The following AVIL variants were observed in gnomAD, a reference collection of about 807,000 sequenced individuals.
The protein encoded by AVIL is advillin.
Under a neutral mutation model 109.9 loss-of-function variants are expected in AVIL, and 78 were observed. The ratio of observed to expected loss-of-function variants is 0.71; its 90% confidence interval spans 0.59 to 0.86. The LOEUF (loss-of-function observed/expected upper bound fraction) is 0.86, where lower values mean the gene tolerates loss of function less well. Ranked by LOEUF, AVIL falls within the 40% of genes least tolerant of loss-of-function variation. The probability of loss-of-function intolerance (pLI) is 0.00; values close to 1 mark genes in which losing one functional copy is unlikely to be tolerated. For missense variants in AVIL, 892 were observed against 1,016.5 expected (o/e 0.88, Z 1.67); for synonymous variants, 367 against 379.1 (o/e 0.97, Z 0.37).
Position 57,806,489 on chromosome 12 carries a change from G to C in AVIL, c.1542C>G (p.Leu514=). 1 of 1,614,208 alleles carries C rather than the reference G, an allele frequency of 6.2e-7. No individual in the cohort carries two copies. The highest frequency in any genetic ancestry group is 8.5e-7 in the Non-Finnish European group (1 of 1,180,036). Reference sequence around the variant, plus strand: ...ATTTGTCATTTCCATGAATTTGGAAGAGTCTTACTGGAGGGTCAGGCTCGG... The same window carrying C: ...ATTTGTCATTTCCATGAATTTGGAACAGTCTTACTGGAGGGTCAGGCTCGG... ...GNAEPDPPVR[L]FQIHGNDKSN... is the part of the protein sequence containing the mutation. Residue 514 remains leucine, a synonymous_variant, in exon 14 of 20, where the codon CTC becomes CTG. Transcript: ENST00000549994.
chr12:57,811,949 TCTAA>T lies in AVIL; in HGVS notation c.339-826_339-823del, dbSNP rs148280163. 7.4e-3 allele frequency among the ~76,000 whole-genome samples: 1,121 copies of T among 152,276 alleles called. 15 individuals are homozygous for T. Among genetic ancestry groups the T allele is most frequent in the African/African-American group, 0.026 (1,068 of 41,540 alleles). ...ATTCCTCTCCCCAATACGCTTCCAT[TCTAA>T]CTGTTGACCTTTTTATTTTCATTCT... On this transcript the variant is annotated intron_variant, in intron 4 of 19. Coordinates refer to ENST00000549994, the MANE Select transcript of AVIL (RefSeq NM_006576.4).
intron 1 of AVIL, among the ~76,000 whole-genome samples, chr12:57,817,405 A>C (rs1263794143): frequency 6.6e-6 from 1 of 151,128 alleles, no homozygotes; most frequent in Non-Finnish European, 1.5e-5. Flanking sequence ...AGCTCAAAGC[A>C]GACTCGCTTT....
rs1955961089 is a variant in AVIL at position 57,807,216 on chromosome 12, C to G, written c.1491+115G>C. 5 of 1,479,790 alleles carry G rather than the reference C, an allele frequency of 3.4e-6. No individual in the cohort carries two copies. In the East Asian group the frequency reaches 1.1e-4, roughly 34 times the overall value. The allele number at this position is 1,479,790 out of a possible 1,614,324, so 91.7% of individuals were successfully genotyped here. ...GGGATTAACCCCCTTCTTCCTCTGT[C>G]TAATCCAAGCCTGACTCCCTACCCC... is the stretch of plus-strand genomic sequence containing the variant. On this transcript the variant is annotated intron_variant, in intron 13 of 19. Coordinates refer to ENST00000549994, the MANE Select transcript of AVIL (RefSeq NM_006576.4).
chr12:57,801,252 T>G (rs1364626015), intron 17 of AVIL, 40 bp from the exon 18 acceptor site: 2 of 1,556,502 alleles, frequency 1.3e-6, no homozygotes, highest in Non-Finnish European at 1.8e-6. Flanking sequence ...GAGGTCTTTC[T>G]TATAGGGGAG....
At chr12:57,808,316 A>G (rs1205876026) in intron 10 of AVIL, 22 bp from the exon 11 acceptor site, 34 of 1,614,076 alleles carry the variant, frequency 2.1e-5, no homozygotes, top group Non-Finnish European at 2.7e-5. Context: ...GGGTTGGGAA[A>G]AGCCGAGTGA....
chr12:57,797,663 C>A lies in AVIL; in HGVS notation c.*219G>T. 1.3e-6 allele frequency: 1 copy of A among 746,800 alleles called. No homozygotes were observed. Among genetic ancestry groups the A allele is most frequent in the Non-Finnish European group, 1.7e-6 (1 of 581,606 alleles). The allele number at this position is 746,800 out of a possible 1,614,324, so 46.3% of individuals were successfully genotyped here. A position where few individuals can be genotyped will look rare whatever the true frequency, so the allele number is the denominator to read the frequency against. ...TTCTGCTGAGGCTTTAGCTAGAGGG[C>A]CACAAAACCCAAAAACTATATGGTT... On this transcript the variant is annotated 3_prime_UTR_variant, in exon 20 of 20. Transcript: ENST00000549994.
chr12:57,798,009 C>G lies in AVIL; in HGVS notation c.2347-14G>C. 1 of 1,555,940 alleles carries G rather than the reference C, an allele frequency of 6.4e-7. No individual in the cohort carries two copies. The highest frequency in any genetic ancestry group is 8.7e-7 in the Non-Finnish European group (1 of 1,149,468). On this transcript the variant is annotated splice_polypyrimidine_tract_variant and intron_variant, in intron 19 of 19. Coordinates refer to ENST00000549994, the MANE Select transcript of AVIL (RefSeq NM_006576.4). ...AGAGAGGTAATTCTAAGAGAGAAAA[C>G]AAAGTTTCTAGTTAGAAGGAAGACA...
At position 57,797,907 on chromosome 12, in the gene AVIL, A is replaced by C. The variant is rs752736115; in HGVS notation, c.2435T>G (p.Met812Arg). Residue 812 changes from methionine to arginine, a missense_variant, in exon 20 of 20, where the codon ATG becomes AGG. Met to Arg is a moderately conservative substitution (Grantham distance 91). Transcript: ENST00000549994. ...AALPGWKQLQ[M>R]KKEKGLF is the part of the protein sequence containing the mutation. ...TTAGAAAAGCCCCTTTTCTTTCTTC[A>C]TTTGGAGCTGTTTCCAGCCAGGCAG... 3 of 1,612,242 alleles carry C rather than the reference A, an allele frequency of 1.9e-6. No homozygotes were observed. The highest frequency in any genetic ancestry group is 2.5e-6 in the Non-Finnish European group (3 of 1,179,046).
chr12:57,806,628 AG>A, intron 13 of AVIL, 89 bp from the exon 14 acceptor site: 1 of 1,464,166 alleles, frequency 6.8e-7, no homozygotes, highest in African/African-American at 1.4e-5. Context: ...TGAATGTTAT[AG>A]TATTATGTTT....
intron 11 of AVIL, 193 bp downstream of exon 11, chr12:57,808,001 A>G (rs1595168251): frequency 5.1e-6 from 4 of 790,862 alleles, no homozygotes; most frequent in Non-Finnish European, 8.7e-6. Context: ...AGATATTGAT[A>G]GCACATTTGA....
In AVIL at chr12:57,807,463, C is replaced by T; in HGVS notation, c.1359G>A (p.Leu453=). The T allele has an allele frequency of 2.5e-6, 4 of 1,614,260 alleles. No homozygotes were observed. The highest frequency in any genetic ancestry group is 3.4e-6 in the Non-Finnish European group (4 of 1,180,052). The part of the protein sequence containing the change: ...WQGRHASQDE[L]AASAYQAVEV... ...CCACTGCCTGGTATGCTGAGGCTGC[C>T]AGCTCATCCTGTGAGGCGTGGCGGC... Residue 453 remains leucine (L), a synonymous_variant, in exon 13 of 20, where the codon CTG becomes CTA. Transcript: ENST00000549994.
intron 15 of AVIL, 36 bp from the exon 16 acceptor site, chr12:57,803,427 T>G: frequency 6.2e-7 from 1 of 1,613,690 alleles, no homozygotes. Context: ...TCAAGCTGCT[T>G]AGAAATGTTT....
At chr12:57,806,334 T>G (rs748769512) in intron 14 of AVIL, 26 bp downstream of exon 14, 1 of 1,613,290 alleles carries the variant, frequency 6.2e-7, no homozygotes. Context: ...GAGGGGCTGG[T>G]CTGACCCGGG....
chr12:57,800,040 C>T lies in AVIL; in HGVS notation c.2221-120G>A, dbSNP rs546099318. ...ATGCCACTTCACCCTCTGTAATCATCTTTGATAACAATGCTCCCCAAACCT... is the reference window on the plus strand; with the variant it reads ...ATGCCACTTCACCCTCTGTAATCATTTTTGATAACAATGCTCCCCAAACCT... On this transcript the variant is annotated intron_variant, in intron 18 of 19. Transcript: ENST00000549994. 3 of 1,298,128 alleles carry T rather than the reference C, an allele frequency of 2.3e-6. No individual in the cohort carries two copies. The South Asian group carries it at 4.3e-5, about 19-fold the overall frequency. 80.4% of individuals were successfully genotyped at this position (1,298,128 alleles called of 1,614,324 possible).
At chr12:57,816,633 C>T (rs1225471508) in intron 1 of AVIL, among the ~76,000 whole-genome samples, 1 of 150,258 alleles carries the variant, frequency 6.7e-6, no homozygotes, top group African/African-American at 2.4e-5. Context: ...CATTCCAATT[C>T]TTCCCAAGTT....
At chr12:57,809,025 CAG>C (rs985757648) in intron 9 of AVIL, 4 of 164,438 alleles carry the variant, frequency 2.4e-5, no homozygotes, top group Non-Finnish European at 3.9e-5. Context: ...TTTTTTTAGA[CAG>C]AGTCTCGCTC....
At chr12:57,802,591 A>G in intron 16 of AVIL, 1 of 708,638 alleles carries the variant, frequency 1.4e-6, no homozygotes, top group South Asian at 1.5e-5. Context: ...TCTGAACTTC[A>G]GCTTCCTGAA....
In AVIL at chr12:57,808,217, C is replaced by T. The variant is rs374961870; in HGVS notation, c.1171G>A (p.Asp391Asn). The T allele has an allele frequency of 1.9e-5, 31 of 1,614,064 alleles. No homozygotes were observed. Among genetic ancestry groups the T allele is most frequent in the African/African-American group, 2.7e-5 (2 of 74,936 alleles). Reference sequence around the variant, plus strand: ...ACCTCAACTTTTCCGTTGCCATCATCGACCATTCTTTCCTGGGCAGCTACC... The same window carrying T: ...ACCTCAACTTTTCCGTTGCCATCATTGACCATTCTTTCCTGGGCAGCTACC... ...PEVAAQERMVDDGNGKVEVWR... is the reference protein window; with the variant it reads ...PEVAAQERMVNDGNGKVEVWR... The change falls in exon 11 of 20, where the codon GAT becomes AAT. Residue 391 changes from aspartate (D) to asparagine (N), a missense_variant. Physicochemically the swap from Asp to Asn is conservative, Grantham distance 23 (BLOSUM62 1). Transcript: ENST00000549994.
intron 1 of AVIL, among the ~76,000 whole-genome samples, chr12:57,817,957 C>T (rs536223555): frequency 1.3e-5 from 2 of 152,254 alleles, no homozygotes; most frequent in Non-Finnish European, 2.9e-5. Flanking sequence ...AGGTTAAAAG[C>T]CAGTGGCCTG....
Sources: gnomAD v4.1 joint callset for allele counts (sites outside exome capture counted in the v4.1 genomes callset) on GRCh38, gnomAD v4.1.1 for gene constraint, MANE v1.5 for transcripts, NCBI Gene and HGNC (gene_info 2026-07-23, HGNC 2026-07-21) for gene names.